CDH18: variants seen among roughly 807,000 people sequenced by gnomAD.
CDH18 encodes cadherin 18.
In CDH18, 31 loss-of-function variants were observed where a neutral mutation model predicts 67.9. The ratio of observed to expected loss-of-function variants is 0.46; its 90% CI spans 0.34 to 0.62. The LOEUF (loss-of-function observed/expected upper bound fraction) is 0.62. CDH18 is among the 20% of genes least tolerant of loss of function. The pLI, the probability that CDH18 is intolerant of heterozygous loss-of-function variation, is 0.01. For missense variants in CDH18, 890 were observed against 975.5 expected (o/e 0.91, Z 1.17); for synonymous variants, 362 against 347.2 (o/e 1.04, Z -0.48).
intron 1 of CDH18, among the ~76,000 whole-genome samples, chr5:20,425,951 T>G (rs1489243671): frequency 6.6e-6 from 1 of 151,238 alleles, no homozygotes. Flanking sequence ...TTCTTGTGAA[T>G]AGACTCTATG....
chr5:19,648,295 A>G (rs1343962139), intron 5 of CDH18, among the ~76,000 whole-genome samples: 4 of 152,006 alleles, frequency 2.6e-5, no homozygotes, highest in African/African-American at 9.7e-5. Context: ...CCCAGCTTTA[A>G]TCCCAGCTAC....
intron 2 of CDH18, among the ~76,000 whole-genome samples, chr5:20,159,711 T>C (rs902037619): frequency 1.3e-5 from 2 of 152,202 alleles, no homozygotes; most frequent in African/African-American, 4.8e-5. Flanking sequence ...CTGATGGGCA[T>C]TGGATGATAA....
intron 2 of CDH18, among the ~76,000 whole-genome samples, chr5:20,249,929 A>AT (rs35922258): frequency 0.31 from 47,021 of 150,590 alleles, 7,690 homozygotes; most frequent in Non-Finnish European, 0.37. Flanking sequence ...CACATTGGTG[A>AT]TTTTTTTTTT....
At chr5:20,259,313 G>T (rs982404249) in intron 1 of CDH18, among the ~76,000 whole-genome samples, 1 of 152,082 alleles carries the variant, frequency 6.6e-6, no homozygotes, top group African/African-American at 2.4e-5. Context: ...ATGTACTGTC[G>T]TTATGCACCA....
At chr5:19,952,388 C>T (rs1464798780) in intron 2 of CDH18, among the ~76,000 whole-genome samples, 2 of 152,140 alleles carry the variant, frequency 1.3e-5, no homozygotes, top group Non-Finnish European at 2.9e-5. Context: ...AGGCAGAACC[C>T]TAACCTAATA....
At chr5:20,103,752 T>G (rs1204221904) in intron 2 of CDH18, among the ~76,000 whole-genome samples, 1 of 149,224 alleles carries the variant, frequency 6.7e-6, no homozygotes, top group Non-Finnish European at 1.5e-5. Context: ...AAGAAAAATA[T>G]AAATTGTGTA....
chr5:20,406,553 G>A (rs1746279175), intron 1 of CDH18, among the ~76,000 whole-genome samples: 1 of 147,032 alleles, frequency 6.8e-6, no homozygotes, highest in Non-Finnish European at 1.5e-5. Flanking sequence ...TTGTGCACAT[G>A]TACCCTAAAA....
chr5:19,590,932 C>T, intron 7 of CDH18, 125 bp downstream of exon 7: 1 of 550,684 alleles, frequency 1.8e-6, no homozygotes, highest in Non-Finnish European at 3.2e-6. Flanking sequence ...GTAATTATAT[C>T]GCAAAGTGAC....
At chr5:20,381,837 C>T (rs1743930814) in intron 1 of CDH18, among the ~76,000 whole-genome samples, 1 of 151,938 alleles carries the variant, frequency 6.6e-6, no homozygotes, top group Non-Finnish European at 1.5e-5. Flanking sequence ...AGTTATTGTG[C>T]AAAATATTTT....
chr5:20,441,468 T>C (rs1749599598), intron 1 of CDH18, among the ~76,000 whole-genome samples: 1 of 151,038 alleles, frequency 6.6e-6, no homozygotes, highest in African/African-American at 2.4e-5. Context: ...GCATTAGAAC[T>C]ACACAGAGCA....
chr5:19,938,210 T>C (rs1794476621), intron 2 of CDH18, among the ~76,000 whole-genome samples: 1 of 150,932 alleles, frequency 6.6e-6, no homozygotes, highest in Non-Finnish European at 1.5e-5. Context: ...CTTCCAAGAT[T>C]GTGGAAAAAG....
chr5:19,680,564 G>A (rs954124427), intron 5 of CDH18, among the ~76,000 whole-genome samples: 57 of 151,544 alleles, frequency 3.8e-4, no homozygotes, highest in African/African-American at 1.3e-3. Flanking sequence ...AAATAAGTAA[G>A]AAGCAAAAAA....
At chr5:20,331,641 C>G (rs998877690) in intron 1 of CDH18, among the ~76,000 whole-genome samples, 2 of 152,076 alleles carry the variant, frequency 1.3e-5, no homozygotes, top group Non-Finnish European at 2.9e-5. Flanking sequence ...CAGGAATGTT[C>G]AAGAATGACT....
At chr5:20,310,916 T>A (rs1431352262) in intron 1 of CDH18, among the ~76,000 whole-genome samples, 5 of 152,168 alleles carry the variant, frequency 3.3e-5, no homozygotes, top group Non-Finnish European at 1.5e-5. Flanking sequence ...TCTGCAACTT[T>A]ATCTATAAAT....
intron 9 of CDH18, among the ~76,000 whole-genome samples, chr5:19,535,499 T>C (rs997086247): frequency 2.6e-5 from 4 of 152,156 alleles, no homozygotes; most frequent in Admixed American, 1.3e-4. Flanking sequence ...TATTCTTAGA[T>C]GCAGCTGCTA....
chr5:19,661,007 C>T (rs1024858054), intron 5 of CDH18, among the ~76,000 whole-genome samples: 3 of 151,320 alleles, frequency 2.0e-5, no homozygotes, highest in African/African-American at 2.4e-5. Context: ...GAATAAAAAA[C>T]TCATTTTCAG....
chr5:19,919,440 TA>T (rs1366105002), intron 2 of CDH18, among the ~76,000 whole-genome samples: 1 of 152,144 alleles, frequency 6.6e-6, no homozygotes, highest in Admixed American at 6.5e-5. Context: ...ATCTGAAGTT[TA>T]GAGCAGTTTT....
intron 1 of CDH18, among the ~76,000 whole-genome samples, chr5:20,539,671 G>A (rs1756937291): frequency 6.6e-6 from 1 of 151,156 alleles, no homozygotes; most frequent in Admixed American, 6.6e-5. Context: ...ATTTATTTTA[G>A]GTAAGATAGT....
chr5:20,063,799 T>C (rs1742722952), intron 2 of CDH18, among the ~76,000 whole-genome samples: 1 of 152,134 alleles, frequency 6.6e-6, no homozygotes, highest in Non-Finnish European at 1.5e-5. Context: ...AACCTTATAC[T>C]TTTCACTGTA....
Sources: gnomAD v4.1 joint callset for allele counts (sites outside exome capture counted in the v4.1 genomes callset) on GRCh38, gnomAD v4.1.1 for gene constraint, MANE v1.5 for transcripts, NCBI Gene and HGNC (gene_info 2026-07-23, HGNC 2026-07-21) for gene names.